FAM107B: variants seen among roughly 807,000 people sequenced by gnomAD.
FAM107B encodes protein FAM107B.
A neutral mutation model predicts 31.5 loss-of-function variants in FAM107B; 21 were observed. The ratio of observed to expected loss-of-function variants is 0.67; its 90% CI spans 0.47 to 0.96. The LOEUF (loss-of-function observed/expected upper bound fraction) is 0.96. FAM107B is among the 40% of genes least tolerant of loss of function. The pLI, the probability that FAM107B is intolerant of heterozygous loss-of-function variation, is 0.00. For missense variants in FAM107B, 452 were observed against 377.1 expected, an observed-to-expected ratio of 1.20 and a Z score of -1.64; for synonymous variants, 157 against 141.5, an observed-to-expected ratio of 1.11 and a Z score of -0.78.
At chr10:14,574,653 T>C (rs1367363774) in intron 2 of FAM107B, among the ~76,000 whole-genome samples, 4 of 152,204 alleles carry the variant, frequency 2.6e-5, no homozygotes, top group Non-Finnish European at 5.9e-5. Context: ...CTCTCACAGA[T>C]TATTAGTACA....
chr10:14,767,055 T>TATATATAGAGAGAGAG lies in FAM107B; in HGVS notation c.411+7197_411+7198insCTCTCTCTCTATATAT, dbSNP rs1440609298. On this transcript the variant is annotated intron_variant, in intron 1 of 4. Transcript: ENST00000181796. Reference sequence around the variant, plus strand: ...ATATATATATATATATATATATATATAGAGAGAGAGAGAGAGAGAGAGAGA... The same window carrying TATATATAGAGAGAGAG: ...ATATATATATATATATATATATATATATATATAGAGAGAGAGAGAGAGAGAGAGAGAGAGAGAGAGA... Among the ~76,000 whole-genome samples, 7 of 18,280 alleles carry TATATATAGAGAGAGAG rather than the reference T, an allele frequency of 3.8e-4. 1 individual carries two copies. Among genetic ancestry groups the TATATATAGAGAGAGAG allele is most frequent in the Admixed American group, 8.8e-4 (1 of 1,136 alleles). The allele number at this position is 18,280 out of a possible 152,430, so 12.0% of individuals were successfully genotyped here.
At chr10:14,705,505 C>T (rs1181408895) in intron 1 of FAM107B, among the ~76,000 whole-genome samples, 4 of 152,032 alleles carry the variant, frequency 2.6e-5, no homozygotes, top group Admixed American at 2.6e-4. Flanking sequence ...TGTGGTCTAG[C>T]CATACAATGG....
chr10:14,774,717 G>A lies in FAM107B; in HGVS notation c.-54C>T, dbSNP rs540805331. 24 of 1,552,030 alleles carry A rather than the reference G, an allele frequency of 1.5e-5. No homozygotes were observed. The East Asian group carries it at 4.5e-4, about 29-fold the overall frequency. Reference sequence around the variant, plus strand: ...AACGGGGCAAGGAAATTTTCCAGGGGTCCACATCACCTCCACTTTGCTTAT... The same window carrying A: ...AACGGGGCAAGGAAATTTTCCAGGGATCCACATCACCTCCACTTTGCTTAT... On this transcript the variant is annotated 5_prime_UTR_variant, in exon 1 of 5. Coordinates refer to ENST00000181796, the MANE Select transcript of FAM107B (RefSeq NM_031453.4).
chr10:14,570,233 G>GGGGGGT (rs1554835078), intron 2 of FAM107B, among the ~76,000 whole-genome samples: 3 of 140,340 alleles, frequency 2.1e-5, no homozygotes, highest in Non-Finnish European at 3.1e-5. Flanking sequence ...AAATGTGGTG[G>GGGGGGT]GTGTGTGTGT....
At position 14,745,552 on chromosome 10, in the gene FAM107B, T is replaced by A. The variant is rs187979977; in HGVS notation, c.411+28701A>T. Among the ~76,000 whole-genome samples the A allele has an allele frequency of 2.7e-3, 407 of 152,316 alleles. 5 individuals are homozygous for A. In the South Asian group the frequency reaches 0.033, roughly 12 times the overall value. On this transcript the variant is annotated intron_variant, in intron 1 of 4. Coordinates refer to ENST00000181796, the MANE Select transcript of FAM107B (RefSeq NM_031453.4). ...CTTCTTGATTTCTGCCTTAATTTCA[T>A]TATTTACCCAGGAGTCATTCAGGAG... is the stretch of plus-strand genomic sequence containing the variant.
intron 2 of FAM107B, among the ~76,000 whole-genome samples, chr10:14,632,688 T>G (rs141605349): frequency 1.8e-3 from 272 of 151,928 alleles, no homozygotes; most frequent in African/African-American, 5.5e-3. Context: ...AGAAAGTTTT[T>G]CTCAGGAAAG....
chr10:14,623,451 C>T (rs932779078), intron 2 of FAM107B, among the ~76,000 whole-genome samples: 2 of 152,152 alleles, frequency 1.3e-5, no homozygotes, highest in Non-Finnish European at 2.9e-5. Context: ...GGAGAGTGAC[C>T]AACACAGAGA....
At position 14,741,715 on chromosome 10, in the gene FAM107B, CTTTTTTTTTTTTTT is replaced by C. The variant is rs769614377; in HGVS notation, c.411+32524_411+32537del. 3.5e-5 allele frequency among the ~76,000 whole-genome samples: 4 copies of C among 114,438 alleles called. No individual in the cohort carries two copies. In the South Asian group the frequency reaches 1.2e-3, roughly 34 times the overall value. The allele number at this position is 114,438 out of a possible 152,430, so 75.1% of individuals were successfully genotyped here. ...TCCTCGACTTTCCATGCATAACTCC[CTTTTTTTTTTTTTT>C]TTTTTTTTTGAGATGGAGTCTCGCT... On this transcript the variant is annotated intron_variant, in intron 1 of 4. Coordinates refer to ENST00000181796, the MANE Select transcript of FAM107B (RefSeq NM_031453.4).
chr10:14,599,239 C>T (rs1852286674), intron 2 of FAM107B, among the ~76,000 whole-genome samples: 1 of 152,082 alleles, frequency 6.6e-6, no homozygotes, highest in African/African-American at 2.4e-5. Context: ...TCCCCCCCCA[C>T]TTCAAGACTT....
At chr10:14,625,839 ATCCG>A (rs1853146372) in intron 2 of FAM107B, among the ~76,000 whole-genome samples, 1 of 133,690 alleles carries the variant, frequency 7.5e-6, no homozygotes, top group East Asian at 2.5e-4. Context: ...AAGCAAAACC[ATCCG>A]ACCTCCATGC....
At chr10:14,731,271 T>C (rs1236758306) in intron 1 of FAM107B, among the ~76,000 whole-genome samples, 1 of 152,114 alleles carries the variant, frequency 6.6e-6, no homozygotes, top group Non-Finnish European at 1.5e-5. Flanking sequence ...ATTAAATCAA[T>C]GACTTCAAGG....
At chr10:14,572,739 T>TA (rs1554835533) in intron 2 of FAM107B, among the ~76,000 whole-genome samples, 1 of 92,004 alleles carries the variant, frequency 1.1e-5, no homozygotes, top group African/African-American at 3.8e-5. Flanking sequence ...AAAAAAAAAT[T>TA]TATATATATA....
chr10:14,601,349 T>A (rs1232932421), intron 2 of FAM107B, among the ~76,000 whole-genome samples: 1 of 152,164 alleles, frequency 6.6e-6, no homozygotes, highest in Non-Finnish European at 1.5e-5. Context: ...GTTTCCTAAG[T>A]ACTTAGGGTG....
At chr10:14,580,679 T>G (rs1851607161) in intron 2 of FAM107B, among the ~76,000 whole-genome samples, 1 of 151,750 alleles carries the variant, frequency 6.6e-6, no homozygotes, top group African/African-American at 2.4e-5. Flanking sequence ...ACTGAACACA[T>G]AGCTGTGTTT....
rs1847985860 is a variant in FAM107B at position 14,539,707 on chromosome 10, G to A, written c.470-9192C>T. 2.0e-5 allele frequency among the ~76,000 whole-genome samples: 3 copies of A among 152,156 alleles called. No individual in the cohort carries two copies. In the South Asian group the frequency reaches 6.2e-4, roughly 32 times the overall value. The stretch of plus-strand genomic sequence containing the variant: ...CTGGCTCAGGGAAGGAGGTAAAAAT[G>A]GCTTAAGGGGGGAATAAAATCCTTC... On this transcript the variant is annotated intron_variant, in intron 2 of 4. Transcript: ENST00000181796.
intron 1 of FAM107B, among the ~76,000 whole-genome samples, chr10:14,686,701 G>T (rs1564625726): frequency 6.6e-6 from 1 of 152,186 alleles, no homozygotes; most frequent in Non-Finnish European, 1.5e-5. Flanking sequence ...CTCTTTTCCT[G>T]AGGCTTGAGT....
chr10:14,585,961 C>A (rs967548539), intron 2 of FAM107B, among the ~76,000 whole-genome samples: 4 of 152,202 alleles, frequency 2.6e-5, no homozygotes, highest in Admixed American at 6.5e-5. Flanking sequence ...ATACAAGGCA[C>A]CCTCAGGGGG....
intron 2 of FAM107B, among the ~76,000 whole-genome samples, chr10:14,583,815 G>A (rs559743957): frequency 5.3e-5 from 8 of 152,140 alleles, no homozygotes; most frequent in Admixed American, 1.3e-4. Context: ...TTCTATAGGC[G>A]AACCCTGTTG....
At chr10:14,651,566 C>A (rs914935889) in intron 2 of FAM107B, among the ~76,000 whole-genome samples, 4 of 152,172 alleles carry the variant, frequency 2.6e-5, no homozygotes, top group Admixed American at 1.3e-4. Context: ...CGCGCCATTG[C>A]ACTCCAGCCT....
Sources: gnomAD v4.1 joint callset for allele counts (sites outside exome capture counted in the v4.1 genomes callset) on GRCh38, gnomAD v4.1.1 for gene constraint, MANE v1.5 for transcripts, NCBI Gene and HGNC (gene_info 2026-07-23, HGNC 2026-07-21) for gene names.